IL1A: variants seen among roughly 807,000 people sequenced by gnomAD.
IL1A encodes the protein interleukin 1 alpha, also known as interleukin-1 alpha.
IL1A carries 16 observed loss-of-function variants against 22.2 expected under a neutral mutation model. The observed-to-expected ratio is 0.72, with a 90% CI of 0.49 to 1.09. The LOEUF is 1.09. IL1A is among the 50% of genes least tolerant of loss of function. The pLI is 0.00. For synonymous variants in IL1A, 113 were observed against 118.5 expected, an observed-to-expected ratio of 0.95 and a Z score of 0.30; for missense variants, 317 against 321.8, an observed-to-expected ratio of 0.99 and a Z score of 0.11.
chr2:112,778,117 G>A lies in IL1A; in HGVS notation c.491-6C>T, dbSNP rs1021238061. 1 of 1,610,830 alleles carries A rather than the reference G, an allele frequency of 6.2e-7. No individual in the cohort carries two copies. The highest frequency in any genetic ancestry group is 8.5e-7 in the Non-Finnish European group (1 of 1,178,474). ...AGCACCCATGTCAAATTTCACTGGT[G>A]AAGAGAAGAACCAAAAAGAAAGTAA... On this transcript the variant is annotated splice_region_variant and splice_polypyrimidine_tract_variant and intron_variant, in intron 5 of 6. Coordinates refer to ENST00000263339, the MANE Select transcript of IL1A (RefSeq NM_000575.5).
intron 2 of IL1A, among the ~76,000 whole-genome samples, 178 bp from the exon 3 acceptor site, chr2:112,782,942 A>T (rs1681240518): frequency 6.6e-6 from 1 of 152,212 alleles, no homozygotes; most frequent in African/African-American, 2.4e-5. Flanking sequence ...TATCTTACTA[A>T]TCTGGAATTA....
chr2:112,779,700 T>TATG, intron 4 of IL1A, 34 bp from the exon 5 acceptor site: 1 of 1,541,152 alleles, frequency 6.5e-7, no homozygotes, highest in South Asian at 1.2e-5. Flanking sequence ...GATTAATGTC[T>TATG]ATGTACAAAC....
rs1177210733 is a variant in IL1A, at chr2:112,778,198, G to A, written c.491-87C>T. 8.0e-5 allele frequency: 51 copies of A among 635,886 alleles called. 1 individual carries two copies. In the African/African-American group the frequency reaches 1.1e-3, roughly 14 times the overall value. 39.4% of individuals were successfully genotyped at this position (635,886 alleles called of 1,614,324 possible). ...GATGTAGATTGTGTGTGCATGGTGT[G>A]TGTGTGTGTGTGTGTGTGTGTGTGT... On this transcript the variant is annotated intron_variant, in intron 5 of 6. Transcript: ENST00000263339.
intron 4 of IL1A, among the ~76,000 whole-genome samples, chr2:112,780,134 A>G (rs1681171305): frequency 6.6e-6 from 1 of 152,232 alleles, no homozygotes. Flanking sequence ...AATATATTCT[A>G]AGGAAATAAA....
chr2:112,777,105 ATT>A (rs61245237), intron 6 of IL1A, among the ~76,000 whole-genome samples: 3,554 of 139,920 alleles, frequency 0.025, 108 homozygotes, highest in South Asian at 0.097. Flanking sequence ...CACCCTATTC[ATT>A]TTTTTTTTTT....
At chr2:112,780,895 C>T (rs1361115679) in intron 4 of IL1A, among the ~76,000 whole-genome samples, 1 of 151,686 alleles carries the variant, frequency 6.6e-6, no homozygotes, top group Non-Finnish European at 1.5e-5. Context: ...TGGCGGGTGC[C>T]TGTATTCCCA....
intron 4 of IL1A, 108 bp downstream of exon 4, chr2:112,781,496 G>C (rs1295916918): frequency 1.5e-5 from 13 of 867,274 alleles, no homozygotes; most frequent in Non-Finnish European, 2.3e-5. Flanking sequence ...ACTAATGCTT[G>C]GTTGTCTTCT....
intron 6 of IL1A, among the ~76,000 whole-genome samples, chr2:112,777,219 T>G (rs1681113394): frequency 6.6e-6 from 1 of 152,120 alleles, no homozygotes; most frequent in Non-Finnish European, 1.5e-5. Flanking sequence ...TGCACCACTG[T>G]CCACACTGCT....
chr2:112,777,134 C>G (rs1389960090), intron 6 of IL1A, among the ~76,000 whole-genome samples: 2 of 147,788 alleles, frequency 1.4e-5, no homozygotes, highest in African/African-American at 2.5e-5. Context: ...GCATCTTGCT[C>G]TTTTGTTGGT....
rs1417369954 is a variant in IL1A at position 112,783,763 on chromosome 2, T to G, written c.8A>C (p.Lys3Thr). MA[K>T]VPDMFEDLKN... ...CAGGTCTTCAAACATGTCTGGAACT[T>G]TGGCCATCTTGACTTCTGCAACAGA... The change falls in exon 2 of 7, where the codon AAA (lysine) becomes ACA (threonine). Residue 3 changes from lysine (K) to threonine (T), a missense_variant. Lys to Thr is a moderately conservative substitution (Grantham distance 78). Coordinates refer to ENST00000263339, the MANE Select transcript of IL1A (RefSeq NM_000575.5). 3 of 1,613,918 alleles carry G rather than the reference T, an allele frequency of 1.9e-6. No homozygotes were observed. The Admixed American group carries it at 5.0e-5, about 27-fold the overall frequency.
chr2:112,775,334 C>G (rs1573250215), intron 6 of IL1A, 67 bp from the exon 7 acceptor site: 1 of 1,302,420 alleles, frequency 7.7e-7, no homozygotes, highest in Non-Finnish European at 1.1e-6. Flanking sequence ...AGCTCAATCC[C>G]TTAGCATTTG....
At chr2:112,775,326 C>CT in intron 6 of IL1A, 59 bp from the exon 7 acceptor site, 2 of 1,370,994 alleles carry the variant, frequency 1.5e-6, no homozygotes, top group Non-Finnish European at 2.1e-6. Context: ...AGGACTGAAG[C>CT]TCAATCCCTT....
chr2:112,781,589 T>C lies in IL1A; in HGVS notation c.319+15A>G, dbSNP rs1681200833. ...AAACTGTAAAAGAAAGATATTATTG[T>C]GCTTGACCCCTTACCTTCCTCTGAG... On this transcript the variant is annotated intron_variant, in intron 4 of 6. Transcript: ENST00000263339. 6.3e-7 allele frequency: 1 copy of C among 1,592,096 alleles called. No homozygotes were observed. Among genetic ancestry groups the C allele is most frequent in the Non-Finnish European group, 8.6e-7 (1 of 1,159,878 alleles).
chr2:112,783,608 C>T (rs1681251244), intron 2 of IL1A, 116 bp downstream of exon 2: 4 of 811,234 alleles, frequency 4.9e-6, no homozygotes, highest in African/African-American at 1.7e-5. Flanking sequence ...AGGACTAGTA[C>T]ACATCTCTAC....
Position 112,774,999 on chromosome 2 carries a change from G to A in IL1A, c.*68C>T, listed in dbSNP as rs1286163850. 5 of 1,233,158 alleles carry A rather than the reference G, an allele frequency of 4.1e-6. No homozygotes were observed. The African/African-American group carries it at 5.9e-5, about 15-fold the overall frequency. 76.4% of individuals were successfully genotyped at this position (1,233,158 alleles called of 1,614,324 possible). A position where few individuals can be genotyped will look rare whatever the true frequency, so the allele number is the denominator to read the frequency against. ...CAAATGACTAACAGTAAAGGATTTAGCTTCTTCATGTACATGGTACATATG... is the reference window on the plus strand; with the variant it reads ...CAAATGACTAACAGTAAAGGATTTAACTTCTTCATGTACATGGTACATATG... On this transcript the variant is annotated 3_prime_UTR_variant, in exon 7 of 7. Transcript: ENST00000263339.
In IL1A at chr2:112,781,812, A is replaced by G. The variant is rs1396039068; in HGVS notation, c.111T>C (p.His37=). The G allele has an allele frequency of 2.5e-6, 4 of 1,613,246 alleles. No individual in the cohort carries two copies. The highest frequency in any genetic ancestry group is 2.7e-5 in the African/African-American group (2 of 75,036). Residue 37 remains histidine, a synonymous_variant, in exon 4 of 7, where the codon CAT becomes CAC. Transcript: ENST00000263339. ...HLSLNQKSFY[H]VSYGPLHEGC... ...CTTCATGGAGTGGGCCATAGCTTAC[A>G]TGATAGAAGGATTTCTGTGAGGAAG...
chr2:112,777,201 G>A (rs1681112899), intron 6 of IL1A, among the ~76,000 whole-genome samples: 1 of 151,918 alleles, frequency 6.6e-6, no homozygotes, highest in Non-Finnish European at 1.5e-5. Flanking sequence ...TGAGACTAGA[G>A]GCTTTGATGC....
chr2:112,775,436 A>C (rs993624986), intron 6 of IL1A, among the ~76,000 whole-genome samples, 169 bp from the exon 7 acceptor site: 2 of 152,202 alleles, frequency 1.3e-5, no homozygotes, highest in Non-Finnish European at 2.9e-5. Flanking sequence ...CATTTATTAC[A>C]TGCCTAGTAG....
chr2:112,782,696 A>G lies in IL1A; in HGVS notation c.96+20T>C. The G allele has an allele frequency of 6.4e-7, 1 of 1,560,530 alleles. No homozygotes were observed. The highest frequency in any genetic ancestry group is 8.8e-7 in the Non-Finnish European group (1 of 1,131,736). Reference sequence around the variant, plus strand: ...TGTGTAAGAATAGCAGTCCCATGAGAATTACAGTCATTTGCTTACCTGATT... The same window carrying G: ...TGTGTAAGAATAGCAGTCCCATGAGGATTACAGTCATTTGCTTACCTGATT... On this transcript the variant is annotated intron_variant, in intron 3 of 6. Transcript: ENST00000263339.
Sources: allele counts gnomAD v4.1 joint callset (sites outside exome capture counted in the v4.1 genomes callset), GRCh38; gene constraint gnomAD v4.1.1; transcripts MANE v1.5; gene names NCBI Gene and HGNC (gene_info 2026-07-23, HGNC 2026-07-21).